The following PPT2 variants were observed in gnomAD, a reference collection of about 807,000 sequenced individuals.
PPT2 encodes lysosomal thioesterase PPT2.
A neutral mutation model predicts 37.3 loss-of-function variants in PPT2; 20 were observed. The ratio of observed to expected loss-of-function variants is 0.54; its 90% CI spans 0.38 to 0.78. PPT2 has a LOEUF of 0.78. PPT2 is among the 30% of genes least tolerant of loss of function. The pLI is 0.00. For synonymous variants in PPT2, 135 were observed against 159.1 expected, an observed-to-expected ratio of 0.85 and a Z score of 1.14; for missense variants, 270 against 389.8, an observed-to-expected ratio of 0.69 and a Z score of 2.59.
rs1035780225 is a variant in PPT2 at position 32,157,405 on chromosome 6, G to C, written c.542-232G>C. The stretch of plus-strand genomic sequence containing the variant: ...CTTTTGTATTTTTAGTAGAGACAGG[G>C]TTTCGCCATGTTAGCCAGGCTGGTC... On this transcript the variant is annotated intron_variant, in intron 5 of 8. Transcript: ENST00000324816. The C allele has an allele frequency of 8.7e-6, 5 of 576,718 alleles. No individual in the cohort carries two copies. The African/African-American group carries it at 9.4e-5, about 11-fold the overall frequency. The allele number at this position is 576,718 out of a possible 1,614,324, so 35.7% of individuals were successfully genotyped here. A position where few individuals can be genotyped will look rare whatever the true frequency, so the allele number is the denominator to read the frequency against.
At position 32,163,096 on chromosome 6, in the gene PPT2, G is replaced by C. The variant is rs1784274268; in HGVS notation, c.*146G>C. The C allele has an allele frequency of 3.1e-6, 3 of 980,118 alleles. No homozygotes were observed. Among genetic ancestry groups the C allele is most frequent in the Non-Finnish European group, 4.5e-6 (3 of 669,542 alleles). The allele number at this position is 980,118 out of a possible 1,614,324, so 60.7% of individuals were successfully genotyped here. A position where few individuals can be genotyped will look rare whatever the true frequency, so the allele number is the denominator to read the frequency against. ...TTTTAGTAGAGACGGGGTTTTAGTA[G>C]AGACTTGGCCTCCCAGAACCCCCTT... On this transcript the variant is annotated 3_prime_UTR_variant, in exon 9 of 9. Coordinates refer to ENST00000324816, the MANE Select transcript of PPT2 (RefSeq NM_005155.7).
chr6:32,162,803 G>C lies in PPT2; in HGVS notation c.766-4G>C, dbSNP rs1582629511. 1.2e-6 allele frequency: 2 copies of C among 1,613,056 alleles called. 1 individual carries two copies. The highest frequency in any genetic ancestry group is 2.7e-5 in the African/African-American group (2 of 74,830). On this transcript the variant is annotated splice_polypyrimidine_tract_variant and splice_region_variant and intron_variant, in intron 8 of 8. Transcript: ENST00000324816. This position sits in a 1 kb window ranked among gnomAD's most constrained non-coding sequence, Gnocchi z 5.5. The stretch of plus-strand genomic sequence containing the variant: ...GCTTCCACGCCCCTTCGACCACCTT[G>C]AAGGTTTATCTGCGGGATTCTTTTG...
chr6:32,161,052 C>A (rs1025743566), intron 7 of PPT2, among the ~76,000 whole-genome samples: 1 of 151,312 alleles, frequency 6.6e-6, no homozygotes, highest in African/African-American at 2.4e-5. Context: ...ACCTAGATTT[C>A]GCAAATGTTA....
rs1001609327 is a variant in PPT2 at position 32,156,068 on chromosome 6, T to C, written c.541+90T>C. On this transcript the variant is annotated intron_variant, in intron 5 of 8. Coordinates refer to ENST00000324816, the MANE Select transcript of PPT2 (RefSeq NM_005155.7). This position sits in a 1 kb window ranked among gnomAD's most constrained non-coding sequence, Gnocchi z 4.9. Reference sequence around the variant, plus strand: ...CCAATAGCAGTGATGACAATAAAGATAACTTACATTTATTGAGTTATTTGA... The same window carrying C: ...CCAATAGCAGTGATGACAATAAAGACAACTTACATTTATTGAGTTATTTGA... 2 of 1,031,730 alleles carry C rather than the reference T, an allele frequency of 1.9e-6. No individual in the cohort carries two copies. Among genetic ancestry groups the C allele is most frequent in the Non-Finnish European group, 3.0e-6 (2 of 672,234 alleles). The allele number at this position is 1,031,730 out of a possible 1,614,324, so 63.9% of individuals were successfully genotyped here. A position where few individuals can be genotyped will look rare whatever the true frequency, so the allele number is the denominator to read the frequency against.
At chr6:32,159,433 C>CA (rs1214191656) in intron 7 of PPT2, among the ~76,000 whole-genome samples, 7,230 of 22,136 alleles carry the variant, frequency 0.33, 1,515 homozygotes, top group Middle Eastern at 0.44. Flanking sequence ...AACTCCATCT[C>CA]AAAAAAAAAA....
At position 32,154,214 on chromosome 6, in the gene PPT2, G is replaced by A; in HGVS notation, c.-199G>A. The A allele has an allele frequency of 8.7e-7, 1 of 1,150,662 alleles. No individual in the cohort carries two copies. The highest frequency in any genetic ancestry group is 1.1e-6 in the Non-Finnish European group (1 of 934,386). 71.3% of individuals were successfully genotyped at this position (1,150,662 alleles called of 1,614,324 possible). A position where few individuals can be genotyped will look rare whatever the true frequency, so the allele number is the denominator to read the frequency against. On this transcript the variant is annotated 5_prime_UTR_variant, in exon 1 of 9. Transcript: ENST00000324816. This position sits in a 1 kb window ranked among gnomAD's most constrained non-coding sequence, Gnocchi z 7.3. ...GTTCCAGACTTGGGATAAGTAAACAGCGGGTGGAGCGAGGCCTACGGACCC... is the reference window on the plus strand; with the variant it reads ...GTTCCAGACTTGGGATAAGTAAACAACGGGTGGAGCGAGGCCTACGGACCC...
chr6:32,156,518 CAT>C lies in PPT2; in HGVS notation c.541+544_541+545del, dbSNP rs1294222348. 6.6e-6 allele frequency among the ~76,000 whole-genome samples: 1 copy of C among 152,154 alleles called. No homozygotes were observed. Among genetic ancestry groups the C allele is most frequent in the Non-Finnish European group, 1.5e-5 (1 of 68,028 alleles). On this transcript the variant is annotated intron_variant, in intron 5 of 8. Coordinates refer to ENST00000324816, the MANE Select transcript of PPT2 (RefSeq NM_005155.7). The surrounding 1 kb of genome is among the most constrained non-coding windows in gnomAD (Gnocchi z 4.9). The stretch of plus-strand genomic sequence containing the variant: ...AGTAAATATTTTTGACTTTGTAGGA[CAT>C]ATAGTCTGTTTCACAACTCCTCAAT...
upstream of PPT2, chr6:32,154,044 T>G: frequency 1.8e-6 from 2 of 1,142,106 alleles, no homozygotes; most frequent in South Asian, 6.2e-5. This position sits in a 1 kb window ranked among gnomAD's most constrained non-coding sequence, Gnocchi z 7.3. Flanking sequence ...CTGTCCTGGG[T>G]CTGTGTTGCG....
Position 32,155,324 on chromosome 6 carries a change from C to A in PPT2, c.337+141C>A. 1 of 980,830 alleles carries A rather than the reference C, an allele frequency of 1.0e-6. No individual in the cohort carries two copies. The allele number at this position is 980,830 out of a possible 1,614,324, so 60.8% of individuals were successfully genotyped here. On this transcript the variant is annotated intron_variant, in intron 3 of 8. Transcript: ENST00000324816. This position sits in a 1 kb window ranked among gnomAD's most constrained non-coding sequence, Gnocchi z 4.3. ...TACCTGAGCCCTTCCTTTCTGACTT[C>A]CCTCAGCACCTGGGTCTCATCTCTG...
chr6:32,154,693 C>G lies in PPT2; in HGVS notation c.99C>G (p.Arg33=), dbSNP rs867433139. The G allele has an allele frequency of 2.5e-6, 4 of 1,613,084 alleles. No individual in the cohort carries two copies. Among genetic ancestry groups the G allele is most frequent in the Non-Finnish European group, 3.4e-6 (4 of 1,180,008 alleles). Residue 33 remains arginine, a synonymous_variant, in exon 2 of 9, where the codon CGC becomes CGG. Coordinates refer to ENST00000324816, the MANE Select transcript of PPT2 (RefSeq NM_005155.7). This position sits in a 1 kb window ranked among gnomAD's most constrained non-coding sequence, Gnocchi z 7.3. ...TGCTTGCAGCCCCCGCGCCCCACCG[C>G]GCGTCCTACAAGCCGGTCATCGTGG... ...LLLLAAPAPH[R]ASYKPVIVVH... is the part of the protein sequence containing the mutation.
chr6:32,162,747 C>T lies in PPT2; in HGVS notation c.766-60C>T. ...GAGGTCCAGGATCCCAGCAGTAACT[C>T]ACTTTGTCTCTCCTTGTGTCTCTCT... On this transcript the variant is annotated intron_variant, in intron 8 of 8. Transcript: ENST00000324816. This position sits in a 1 kb window ranked among gnomAD's most constrained non-coding sequence, Gnocchi z 5.5. 1 of 1,597,258 alleles carries T rather than the reference C, an allele frequency of 6.3e-7. No homozygotes were observed. Among genetic ancestry groups the T allele is most frequent in the Non-Finnish European group, 8.6e-7 (1 of 1,165,836 alleles).
chr6:32,158,042 C>T (rs1013547031), intron 7 of PPT2, 118 bp downstream of exon 7: 1 of 883,418 alleles, frequency 1.1e-6, no homozygotes, highest in Non-Finnish European at 1.7e-6. Flanking sequence ...GCTCCTCCCC[C>T]CATTCATCAT....
chr6:32,158,221 T>G, intron 7 of PPT2: 1 of 382,646 alleles, frequency 2.6e-6, no homozygotes, highest in Non-Finnish European at 4.7e-6. Flanking sequence ...AAAGATAGTA[T>G]AGCAAGGCCC....
Position 32,155,223 on chromosome 6 carries a change from G to A in PPT2, c.337+40G>A, listed in dbSNP as rs1783681225. On this transcript the variant is annotated intron_variant, in intron 3 of 8. Transcript: ENST00000324816. The surrounding 1 kb of genome is among the most constrained non-coding windows in gnomAD (Gnocchi z 4.3). ...TGCCCCTAACTCCTAAGCCCTATCT[G>A]AGGCTTGATCCTTATCTGAGGGACA... 1 of 1,607,974 alleles carries A rather than the reference G, an allele frequency of 6.2e-7. No homozygotes were observed. The highest frequency in any genetic ancestry group is 8.5e-7 in the Non-Finnish European group (1 of 1,175,862).
intron 7 of PPT2, among the ~76,000 whole-genome samples, chr6:32,159,826 A>G (rs1174376526): frequency 6.6e-6 from 1 of 150,640 alleles, no homozygotes; most frequent in Non-Finnish European, 1.5e-5. Flanking sequence ...GGTTCAAGCC[A>G]TTCTCCTGCC....
intron 5 of PPT2, chr6:32,157,163 G>T: frequency 6.3e-6 from 1 of 158,178 alleles, no homozygotes; most frequent in South Asian, 1.8e-4. Context: ...CCTGGGTGAC[G>T]GAGTGAGATT....
At chr6:32,157,488 C>G in intron 5 of PPT2, 149 bp from the exon 6 acceptor site, 1 of 680,344 alleles carries the variant, frequency 1.5e-6, no homozygotes, top group Non-Finnish European at 2.6e-6. Context: ...GCTGGGATTA[C>G]AGGTGTGAGC....
In PPT2 at chr6:32,163,184, G is replaced by T; in HGVS notation, c.*234G>T. The T allele has an allele frequency of 1.8e-6, 1 of 567,964 alleles. No individual in the cohort carries two copies. Among genetic ancestry groups the T allele is most frequent in the Non-Finnish European group, 3.1e-6 (1 of 324,226 alleles). 35.2% of individuals were successfully genotyped at this position (567,964 alleles called of 1,614,324 possible). ...CTACCTCATGTCCTCTCATTTGGGGGATTGCTCCGTGCTGTCCCTTTCTCT... is the reference window on the plus strand; with the variant it reads ...CTACCTCATGTCCTCTCATTTGGGGTATTGCTCCGTGCTGTCCCTTTCTCT... On this transcript the variant is annotated 3_prime_UTR_variant, in exon 9 of 9. Transcript: ENST00000324816.
Position 32,162,798 on chromosome 6 carries a change from A to G in PPT2, c.766-9A>G. 1 of 1,611,970 alleles carries G rather than the reference A, an allele frequency of 6.2e-7. No homozygotes were observed. The highest frequency in any genetic ancestry group is 8.5e-7 in the Non-Finnish European group (1 of 1,179,172). ...TCCATGCTTCCACGCCCCTTCGACC[A>G]CCTTGAAGGTTTATCTGCGGGATTC... On this transcript the variant is annotated splice_polypyrimidine_tract_variant and intron_variant, in intron 8 of 8. Coordinates refer to ENST00000324816, the MANE Select transcript of PPT2 (RefSeq NM_005155.7). This position sits in a 1 kb window ranked among gnomAD's most constrained non-coding sequence, Gnocchi z 5.5.
Sources: allele counts gnomAD v4.1 joint callset (sites outside exome capture counted in the v4.1 genomes callset), GRCh38; gene constraint gnomAD v4.1.1; non-coding constraint Gnocchi (gnomAD v3.1); transcripts MANE v1.5; gene names NCBI Gene and HGNC (gene_info 2026-07-23, HGNC 2026-07-21).